BCAS3: variants seen among roughly 807,000 people sequenced by gnomAD.
BCAS3 encodes BCAS4/BCAS3 fusion.
In BCAS3, 53 loss-of-function variants were observed where a neutral mutation model predicts 116.1. The observed-to-expected ratio is 0.46, with a 90% CI of 0.37 to 0.57. The LOEUF (loss-of-function observed/expected upper bound fraction) is 0.57, where lower values mean the gene tolerates loss of function less well. Ranked by LOEUF, BCAS3 falls within the 20% of genes least tolerant of loss-of-function variation. The pLI, the probability that BCAS3 is intolerant of heterozygous loss-of-function variation, is 0.00. For missense variants in BCAS3, 917 were observed against 1,165.4 expected (o/e 0.79, Z 3.10); for synonymous variants, 391 against 408.2 (o/e 0.96, Z 0.51).
In BCAS3 at chr17:61,115,991, A is replaced by C. The variant is rs1191408686; in HGVS notation, c.2425+31427A>C. Among the ~76,000 whole-genome samples, 161 of 150,700 alleles carry C rather than the reference A, an allele frequency of 1.1e-3. 1 individual carries two copies. The highest frequency in any genetic ancestry group is 2.3e-3 in the African/African-American group (93 of 41,116). On this transcript the variant is annotated intron_variant, in intron 22 of 23. Transcript: ENST00000407086. ...TCATTCTCAGTAAACTATCGCAAGAACAAAAAACCAAACACCGCATATTCT... is the reference window on the plus strand; with the variant it reads ...TCATTCTCAGTAAACTATCGCAAGACCAAAAAACCAAACACCGCATATTCT...
At chr17:60,938,072 T>C (rs2060029244) in intron 13 of BCAS3, among the ~76,000 whole-genome samples, 1 of 152,038 alleles carries the variant, frequency 6.6e-6, no homozygotes, top group South Asian at 2.1e-4. Context: ...CTCACTGCCA[T>C]CTCCGTAGAG....
chr17:60,848,455 T>C (rs2052723698), intron 7 of BCAS3, among the ~76,000 whole-genome samples: 1 of 152,244 alleles, frequency 6.6e-6, no homozygotes, highest in South Asian at 2.1e-4. Flanking sequence ...AATTTATCAG[T>C]TCTGGTACTT....
intron 14 of BCAS3, among the ~76,000 whole-genome samples, chr17:60,951,490 C>T (rs553545007): frequency 6.6e-6 from 1 of 152,220 alleles, no homozygotes; most frequent in South Asian, 2.1e-4. Context: ...AGCTGCTTTG[C>T]TTGTCAATTT....
intron 19 of BCAS3, among the ~76,000 whole-genome samples, chr17:61,043,530 G>A (rs1166929456): frequency 6.6e-6 from 1 of 152,012 alleles, no homozygotes; most frequent in Non-Finnish European, 1.5e-5. Context: ...CATTGCCTGT[G>A]TGGAGTTGTC....
intron 6 of BCAS3, among the ~76,000 whole-genome samples, chr17:60,805,016 T>C (rs2048142110): frequency 6.6e-6 from 1 of 151,762 alleles, no homozygotes; most frequent in Admixed American, 6.6e-5. Context: ...TACTTCTGAC[T>C]GCTGCATCAG....
intron 22 of BCAS3, among the ~76,000 whole-genome samples, chr17:61,328,688 CA>C (rs1187894128): frequency 6.6e-6 from 1 of 152,066 alleles, no homozygotes; most frequent in Non-Finnish European, 1.5e-5. Context: ...TCACCTGAGC[CA>C]GGGGTGGTCA....
At chr17:60,984,779 G>A (rs1210458208) in intron 14 of BCAS3, among the ~76,000 whole-genome samples, 2 of 152,068 alleles carry the variant, frequency 1.3e-5, no homozygotes, top group Admixed American at 1.3e-4. Context: ...GGAGGCCAAA[G>A]TGGGCAGATC....
At chr17:60,802,295 AATAT>A (rs773556470) in intron 6 of BCAS3, among the ~76,000 whole-genome samples, 107 of 127,928 alleles carry the variant, frequency 8.4e-4, no homozygotes, top group Middle Eastern at 3.9e-3. Context: ...AAAAAAAAAA[AATAT>A]ATATATATAT....
intron 7 of BCAS3, chr17:60,811,068 T>C (rs2048768401): frequency 1.6e-6 from 1 of 635,232 alleles, no homozygotes; most frequent in Non-Finnish European, 2.9e-6. Context: ...AGCTGAGACG[T>C]ACAGTCCAGT....
At chr17:61,234,675 A>G (rs1247114309) in intron 22 of BCAS3, among the ~76,000 whole-genome samples, 11 of 151,062 alleles carry the variant, frequency 7.3e-5, no homozygotes, top group Non-Finnish European at 1.5e-4. Flanking sequence ...TCACCAACCC[A>G]TGGACCTATA....
At chr17:60,755,052 GTAT>G (rs2042876871) in intron 6 of BCAS3, among the ~76,000 whole-genome samples, 1 of 152,146 alleles carries the variant, frequency 6.6e-6, no homozygotes, top group Non-Finnish European at 1.5e-5. Flanking sequence ...AACATATGTT[GTAT>G]TCATCTTAAA....
chr17:60,876,143 G>C (rs1217849615), intron 9 of BCAS3, among the ~76,000 whole-genome samples: 1 of 151,950 alleles, frequency 6.6e-6, no homozygotes, highest in Non-Finnish European at 1.5e-5. Flanking sequence ...AGTCCTGAGC[G>C]AACACAGATA....
chr17:61,212,539 A>AGT lies in BCAS3; in HGVS notation c.2425+127978_2425+127979dup, dbSNP rs201059007. 5.6e-3 allele frequency among the ~76,000 whole-genome samples: 838 copies of AGT among 150,938 alleles called. 17 individuals carry two copies. The highest frequency in any genetic ancestry group is 0.039 in the East Asian group (199 of 5,158). On this transcript the variant is annotated intron_variant, in intron 22 of 23. Coordinates refer to ENST00000407086, the MANE Select transcript of BCAS3 (RefSeq NM_017679.5). The stretch of plus-strand genomic sequence containing the variant: ...TAACGAAAGAAAAGGTATGGAATAA[A>AGT]GTGTATATATATATATATAAAAACT...
chr17:61,067,721 ACAAAC>A (rs368535790), intron 19 of BCAS3, among the ~76,000 whole-genome samples: 5,920 of 130,108 alleles, frequency 0.046, 427 homozygotes, highest in African/African-American at 0.19. Flanking sequence ...TCTCAAACAA[ACAAAC>A]AAAAAAAAAA....
In BCAS3 at chr17:61,390,146, T is replaced by A. The variant is rs1197616021; in HGVS notation, c.2594-1831T>A. 1 of 152,234 alleles carries A rather than the reference T, an allele frequency of 6.6e-6. No homozygotes were observed. The highest frequency in any genetic ancestry group is 2.1e-4 in the South Asian group (1 of 4,832). The allele number at this position is 152,234 out of a possible 1,614,324, so 9.4% of individuals were successfully genotyped here. On this transcript the variant is annotated intron_variant, in intron 23 of 23. Transcript: ENST00000407086. This position sits in a 1 kb window ranked among gnomAD's most constrained non-coding sequence, Gnocchi z 6.8. ...CCCCTAGTGCCGGGCCGGCCGCGCA[T>A]GAGGGCGGTGGGACAGATCGCCCAC...
rs1224204413 is a variant in BCAS3, at chr17:61,228,225, T to C, written c.2426-140102T>C. On this transcript the variant is annotated intron_variant, in intron 22 of 23. Coordinates refer to ENST00000407086, the MANE Select transcript of BCAS3 (RefSeq NM_017679.5). This position sits in a 1 kb window ranked among gnomAD's most constrained non-coding sequence, Gnocchi z 5.0. ...CAGTTTCAAAGATGGGAAAATTCTT[T>C]ATTATTTTGCTTTGAGATTCTCCTA... Among the ~76,000 whole-genome samples, 4 of 152,198 alleles carry C rather than the reference T, an allele frequency of 2.6e-5. No individual in the cohort carries two copies. The highest frequency in any genetic ancestry group is 5.9e-5 in the Non-Finnish European group (4 of 68,038).
chr17:61,250,645 C>G (rs1421776289), intron 22 of BCAS3, among the ~76,000 whole-genome samples: 1 of 152,204 alleles, frequency 6.6e-6, no homozygotes, highest in Admixed American at 6.5e-5. Flanking sequence ...CGTTTTCGGA[C>G]AGCTAAAAGG....
chr17:60,970,590 A>G (rs999775259), intron 14 of BCAS3, among the ~76,000 whole-genome samples: 6 of 152,312 alleles, frequency 3.9e-5, no homozygotes, highest in Admixed American at 1.3e-4. Flanking sequence ...CTATTACCAG[A>G]GATATTTTGT....
chr17:61,330,319 C>T (rs1007751500), intron 22 of BCAS3, among the ~76,000 whole-genome samples: 4 of 134,192 alleles, frequency 3.0e-5, no homozygotes, highest in Non-Finnish European at 6.2e-5. Flanking sequence ...AGTACAGTGG[C>T]GCAATCACGG....
Sources: allele counts gnomAD v4.1 joint callset (sites outside exome capture counted in the v4.1 genomes callset), GRCh38; gene constraint gnomAD v4.1.1; non-coding constraint Gnocchi (gnomAD v3.1); transcripts MANE v1.5; gene names NCBI Gene and HGNC (gene_info 2026-07-23, HGNC 2026-07-21).